PPP2R3B: variants seen among roughly 807,000 people sequenced by gnomAD.
The protein encoded by PPP2R3B is serine/threonine-protein phosphatase 2A regulatory subunit B'' subunit beta.
Under a neutral mutation model 72.9 loss-of-function variants are expected in PPP2R3B, and 68 were observed. That is an observed-to-expected ratio of 0.93 (90% CI 0.77 to 1.14). The LOEUF (loss-of-function observed/expected upper bound fraction) is 1.14. Among genes scored for constraint, PPP2R3B ranks in the 50% most tolerant of loss-of-function variants. The probability of loss-of-function intolerance (pLI) is 0.00; values close to 1 mark genes in which losing one functional copy is unlikely to be tolerated. For missense variants in PPP2R3B, 1,018 were observed against 842.0 expected (o/e 1.21, Z -2.59); for synonymous variants, 466 against 375.8 (o/e 1.24, Z -2.78).
intron 2 of PPP2R3B, among the ~76,000 whole-genome samples, chrX:349,053 T>C (rs185232204): frequency 3.0e-4 from 46 of 152,072 alleles, no homozygotes; most frequent in Non-Finnish European, 5.9e-4. Flanking sequence ...ATAATAATAA[T>C]AGACCAGGAA....
intron 12 of PPP2R3B, chrX:336,781 A>C (rs2070900552): frequency 6.6e-6 from 1 of 152,236 alleles, no homozygotes; most frequent in Non-Finnish European, 1.5e-5. Flanking sequence ...GGAAAACATC[A>C]GGAAACACTC....
intron 12 of PPP2R3B, chrX:337,484 A>T (rs1341447901): frequency 1.3e-5 from 2 of 152,316 alleles, no homozygotes; most frequent in East Asian, 1.9e-4. Context: ...ACGGGATGGC[A>T]AAAGTGACCA....
chrX:346,084 G>C, intron 6 of PPP2R3B, 90 bp downstream of exon 6: 1 of 590,770 alleles, frequency 1.7e-6, no homozygotes, highest in Non-Finnish European at 2.7e-6. Flanking sequence ...TGGGAGGGGA[G>C]GAGGGAGGGG....
chrX:334,568 GGGCCGTTTTCCGGGAAACACAGGCTGCTC>G (rs2070837423), intron 12 of PPP2R3B, 51 bp from the exon 13 acceptor site: 2 of 1,412,148 alleles, frequency 1.4e-6, no homozygotes, highest in East Asian at 2.8e-5. Context: ...AGCAGGCCCT[GGGCCGTTTTCCGGGAAACACAGGCTGCTC>G]GGCCGCCAAC....
intron 12 of PPP2R3B, chrX:338,323 C>T: frequency 3.5e-6 from 2 of 576,292 alleles, no homozygotes; most frequent in Admixed American, 3.0e-5. Flanking sequence ...ACTCGGCCTC[C>T]CCGTGCTGGG....
intron 1 of PPP2R3B, among the ~76,000 whole-genome samples, chrX:365,154 A>G (rs867251102): frequency 0.029 from 1,382 of 48,346 alleles, 33 homozygotes; most frequent in Non-Finnish European, 0.037. Context: ...CGGAGGTTGC[A>G]GTGAGCTGAG....
At chrX:358,071 C>G (rs1484310449) in intron 2 of PPP2R3B, among the ~76,000 whole-genome samples, 1 of 152,238 alleles carries the variant, frequency 6.6e-6, no homozygotes, top group Non-Finnish European at 1.5e-5. Context: ...GGAGCTGTGA[C>G]TCCAGGCCCT....
At chrX:336,767 A>C (rs6603203) in intron 12 of PPP2R3B, 1 of 151,854 alleles carries the variant, frequency 6.6e-6, no homozygotes, top group Non-Finnish European at 1.5e-5. Flanking sequence ...CACCGCTGAC[A>C]ACAGGAAAAC....
intron 12 of PPP2R3B, chrX:335,844 G>A (rs1399625327): frequency 7.2e-5 from 11 of 152,172 alleles, no homozygotes; most frequent in African/African-American, 1.9e-4. Context: ...TGATGGGAAC[G>A]GGCAAGTTTC....
At chrX:363,385 C>G (rs1434458034) in intron 1 of PPP2R3B, among the ~76,000 whole-genome samples, 1 of 151,164 alleles carries the variant, frequency 6.6e-6, no homozygotes, top group Non-Finnish European at 1.5e-5. Context: ...TCCCACAGTG[C>G]ATCTCCCCGA....
intron 4 of PPP2R3B, among the ~76,000 whole-genome samples, chrX:347,013 C>T (rs1035451440): frequency 6.1e-5 from 9 of 148,506 alleles, no homozygotes; most frequent in Non-Finnish European, 8.9e-5. Context: ...CGGACCCTCC[C>T]GTGAGCGATG....
intron 7 of PPP2R3B, 196 bp downstream of exon 7, chrX:345,320 C>T (rs1434368315): frequency 6.2e-6 from 5 of 806,134 alleles, no homozygotes; most frequent in Non-Finnish European, 1.0e-5. Flanking sequence ...CAGAGGCGCA[C>T]GCGGGGACCC....
At chrX:337,710 C>CA (rs1365638812) in intron 12 of PPP2R3B, 1 of 152,294 alleles carries the variant, frequency 6.6e-6, no homozygotes, top group Non-Finnish European at 1.5e-5. Context: ...TCACCACAGC[C>CA]AGCTCTGCCG....
intron 1 of PPP2R3B, among the ~76,000 whole-genome samples, chrX:365,107 A>G (rs1419305612): frequency 4.9e-5 from 4 of 81,312 alleles, no homozygotes; most frequent in Non-Finnish European, 7.7e-5. Flanking sequence ...CAGCTACTTG[A>G]GAGGCTGAGG....
intron 6 of PPP2R3B, 61 bp from the exon 7 acceptor site, chrX:345,733 T>C: frequency 7.8e-7 from 1 of 1,282,792 alleles, no homozygotes; most frequent in Non-Finnish European, 1.0e-6. Flanking sequence ...CAAGTCCGCC[T>C]GGCTGCGGGC....
chrX:338,826 G>A lies in PPP2R3B; in HGVS notation c.1422C>T (p.Ile474=), dbSNP rs763588338. The A allele has an allele frequency of 1.1e-5, 17 of 1,612,430 alleles. No homozygotes were observed. The highest frequency in any genetic ancestry group is 4.5e-5 in the East Asian group (2 of 44,880). ...ANVFFDTFFN[I]EKYLDHEQKE... is the part of the protein sequence containing the mutation. Reference sequence around the variant, plus strand: ...TCTGCTCGTGGTCGAGGTACTTCTCGATGTTGAAGAAGGTGTCGAAGAAGA... The same window carrying A: ...TCTGCTCGTGGTCGAGGTACTTCTCAATGTTGAAGAAGGTGTCGAAGAAGA... The change falls in exon 11 of 13, where the codon ATC becomes ATT. Residue 474 remains isoleucine, a synonymous_variant. Coordinates refer to ENST00000390665, the MANE Select transcript of PPP2R3B (RefSeq NM_013239.5).
intron 9 of PPP2R3B, 170 bp from the exon 10 acceptor site, chrX:341,110 C>T (rs1321329217): frequency 1.7e-5 from 10 of 586,550 alleles, no homozygotes; most frequent in Admixed American, 6.6e-5. Flanking sequence ...GGCGCGCACG[C>T]GTCCCCCTGT....
At chrX:356,951 T>TTGGCCAG (rs1830895011) in intron 2 of PPP2R3B, among the ~76,000 whole-genome samples, 31 of 94,198 alleles carry the variant, frequency 3.3e-4, no homozygotes, top group East Asian at 1.3e-3. Flanking sequence ...CCCCACAGTA[T>TTGGCCAG]CCACACCACA....
intron 1 of PPP2R3B, among the ~76,000 whole-genome samples, chrX:371,392 C>T (rs772703591): frequency 7.9e-5 from 12 of 152,266 alleles, no homozygotes; most frequent in Non-Finnish European, 1.0e-4. Context: ...CCCCACCCCC[C>T]GAGTTTGGTT....
Sources: gnomAD v4.1 joint callset for allele counts (sites outside exome capture counted in the v4.1 genomes callset) on GRCh38, gnomAD v4.1.1 for gene constraint, MANE v1.5 for transcripts, NCBI Gene and HGNC (gene_info 2026-07-23, HGNC 2026-07-21) for gene names.